STK24: variants seen among roughly 807,000 people sequenced by gnomAD.
The protein encoded by STK24 is serine/threonine-protein kinase 24.
In STK24, 21 loss-of-function variants were observed where a neutral mutation model predicts 55.6. The observed-to-expected ratio is 0.38, with a 90% CI of 0.27 to 0.54. The LOEUF is 0.54. STK24 is among the 20% of genes least tolerant of loss of function. The probability of loss-of-function intolerance (pLI) is 0.79; values close to 1 mark genes in which losing one functional copy is unlikely to be tolerated. For synonymous variants in STK24, 200 were observed against 215.2 expected, an observed-to-expected ratio of 0.93 and a Z score of 0.62; for missense variants, 383 against 538.4, an observed-to-expected ratio of 0.71 and a Z score of 2.86.
chr13:98,480,183 T>C (rs893526527), intron 3 of STK24, among the ~76,000 whole-genome samples: 3 of 152,248 alleles, frequency 2.0e-5, no homozygotes, highest in African/African-American at 7.2e-5. Context: ...TGGAGAGTTT[T>C]ACCCTTCCTT....
intron 2 of STK24, among the ~76,000 whole-genome samples, chr13:98,493,444 C>T (rs1278148764): frequency 1.3e-5 from 2 of 152,042 alleles, no homozygotes; most frequent in African/African-American, 4.8e-5. Flanking sequence ...AGAAAAGAAA[C>T]AACAAAGAGA....
chr13:98,484,771 CAACAACAG>C (rs2097944580), intron 2 of STK24, among the ~76,000 whole-genome samples: 1 of 151,960 alleles, frequency 6.6e-6, no homozygotes, highest in East Asian at 1.9e-4. Flanking sequence ...GACGTGCAAG[CAACAACAG>C]AACATCCAGA....
rs144887430 is a variant in STK24 at position 98,478,843 on chromosome 13, C to G, written c.330+3422G>C. 1.5e-3 allele frequency among the ~76,000 whole-genome samples: 226 copies of G among 152,300 alleles called. 1 individual carries two copies. The highest frequency in any genetic ancestry group is 5.1e-3 in the African/African-American group (214 of 41,556). ...TTTTAATCAGCTAAAACCTTCTGGT[C>G]TCAGGCCCTCTGTGGCTCATCCTCA... On this transcript the variant is annotated intron_variant, in intron 3 of 10. Coordinates refer to ENST00000539966, the MANE Select transcript of STK24 (RefSeq NM_001032296.4).
intron 2 of STK24, among the ~76,000 whole-genome samples, chr13:98,513,467 G>A (rs745628846): frequency 2.6e-5 from 4 of 152,100 alleles, no homozygotes; most frequent in East Asian, 1.9e-4. Flanking sequence ...AGTGGCAGCC[G>A]AAACATCTGC....
chr13:98,535,075 G>A (rs1896678445), intron 1 of STK24, among the ~76,000 whole-genome samples: 1 of 152,200 alleles, frequency 6.6e-6, no homozygotes, highest in Non-Finnish European at 1.5e-5. Flanking sequence ...CGGGCCAGGC[G>A]TGGTGGCTCA....
intron 2 of STK24, among the ~76,000 whole-genome samples, chr13:98,505,281 C>T (rs763996177): frequency 3.3e-5 from 5 of 152,216 alleles, no homozygotes; most frequent in Non-Finnish European, 7.3e-5. Flanking sequence ...AGCTGTAGAT[C>T]CACTGCTACT....
chr13:98,498,866 G>T (rs74109150), intron 2 of STK24, among the ~76,000 whole-genome samples: 2,425 of 152,252 alleles, frequency 0.016, 68 homozygotes, highest in African/African-American at 0.055. Context: ...ATCCCAGACC[G>T]CCACTGGGGA....
At position 98,448,134 on chromosome 13, in the gene STK24, A is replaced by G; in HGVS notation, c.*5039T>C. On this transcript the variant is annotated 3_prime_UTR_variant, in exon 11 of 11. Transcript: ENST00000539966. The stretch of plus-strand genomic sequence containing the variant: ...CTGCTGAAGTGGCAGATTACCAACC[A>G]GGCGGCCTGACTTCACCTTGTGTTT... The G allele has an allele frequency of 1.0e-6, 1 of 954,580 alleles. No individual in the cohort carries two copies. Among genetic ancestry groups the G allele is most frequent in the South Asian group, 1.3e-5 (1 of 74,218 alleles). 59.1% of individuals were successfully genotyped at this position (954,580 alleles called of 1,614,324 possible).
At position 98,457,116 on chromosome 13, in the gene STK24, G is replaced by A. The variant is rs981055691; in HGVS notation, c.1259+52C>T. ...TACCAAACTCATCAACTAAGTCCCA[G>A]CCCAAGTGCAGGTCTCTCCTTCCCC... On this transcript the variant is annotated intron_variant, in intron 10 of 10. Coordinates refer to ENST00000539966, the MANE Select transcript of STK24 (RefSeq NM_001032296.4). The A allele has an allele frequency of 2.5e-6, 4 of 1,587,004 alleles. No individual in the cohort carries two copies. The African/African-American group carries it at 4.0e-5, about 16-fold the overall frequency.
rs892677638 is a variant in STK24, at chr13:98,445,996, G to A, written c.*7177C>T. ...GGTGGGGCCCACATCCTTCAGTCAC[G>A]GACATGCCCCAGCCCAGGGCCCTGG... On this transcript the variant is annotated 3_prime_UTR_variant, in exon 11 of 11. Coordinates refer to ENST00000539966, the MANE Select transcript of STK24 (RefSeq NM_001032296.4). The A allele has an allele frequency of 4.7e-5, 36 of 758,976 alleles. No homozygotes were observed. Among genetic ancestry groups the A allele is most frequent in the Non-Finnish European group, 6.9e-5 (31 of 448,780 alleles). 47.0% of individuals were successfully genotyped at this position (758,976 alleles called of 1,614,324 possible).
At chr13:98,531,333 A>G (rs572280276) in intron 1 of STK24, among the ~76,000 whole-genome samples, 1 of 152,318 alleles carries the variant, frequency 6.6e-6, no homozygotes, top group African/African-American at 2.4e-5. Context: ...AAGTTTATAA[A>G]CCAAATGAAA....
intron 1 of STK24, among the ~76,000 whole-genome samples, chr13:98,555,575 T>C (rs1054019779): frequency 3.0e-4 from 45 of 150,998 alleles, no homozygotes; most frequent in African/African-American, 1.0e-3. Context: ...TGAGACTCCG[T>C]CTCAATAAAA....
Position 98,576,884 on chromosome 13 carries a change from C to G in STK24, c.-98G>C. ...CGGGCCGCGCGCAGCCCTCGGGCGG[C>G]GGGGCCGGCCGGAGCCCGAGGCCAC... On this transcript the variant is annotated 5_prime_UTR_variant, in exon 1 of 11. Coordinates refer to ENST00000539966, the MANE Select transcript of STK24 (RefSeq NM_001032296.4). 5 of 698,908 alleles carry G rather than the reference C, an allele frequency of 7.2e-6. No homozygotes were observed. The highest frequency in any genetic ancestry group is 7.0e-6 in the Non-Finnish European group (4 of 573,992). 43.3% of individuals were successfully genotyped at this position (698,908 alleles called of 1,614,324 possible).
In STK24 at chr13:98,449,801, T is replaced by TG. The variant is rs58342268; in HGVS notation, c.*3371dup. ...TTGTCTGTAGTCTTCATTTTCTGTG[T>TG]GGGGGGGGAGGGGGGAAGGGGACAC... is the stretch of plus-strand genomic sequence containing the variant. On this transcript the variant is annotated 3_prime_UTR_variant, in exon 11 of 11. Coordinates refer to ENST00000539966, the MANE Select transcript of STK24 (RefSeq NM_001032296.4). 46 of 117,546 alleles carry TG rather than the reference T, an allele frequency of 3.9e-4. No individual in the cohort carries two copies. Among genetic ancestry groups the TG allele is most frequent in the East Asian group, 2.6e-3 (9 of 3,520 alleles). The allele number at this position is 117,546 out of a possible 1,614,324, so 7.3% of individuals were successfully genotyped here.
chr13:98,526,347 AG>A (rs1896428864), intron 1 of STK24, among the ~76,000 whole-genome samples: 1 of 152,164 alleles, frequency 6.6e-6, no homozygotes, highest in Admixed American at 6.5e-5. Flanking sequence ...GGATTTATTG[AG>A]GGTGTACTTG....
chr13:98,555,227 G>C (rs1897256907), intron 1 of STK24, among the ~76,000 whole-genome samples: 1 of 152,004 alleles, frequency 6.6e-6, no homozygotes, highest in South Asian at 2.1e-4. Context: ...ATGTATAACT[G>C]GCACAATATG....
intron 2 of STK24, among the ~76,000 whole-genome samples, chr13:98,515,688 A>T (rs1896033203): frequency 6.6e-6 from 1 of 152,248 alleles, no homozygotes; most frequent in African/African-American, 2.4e-5. Flanking sequence ...GAATATTTAG[A>T]CCACTTCTCT....
rs145912547 is a variant in STK24, at chr13:98,576,929, G to A, written c.-143C>T. On this transcript the variant is annotated 5_prime_UTR_variant, in exon 1 of 11. Transcript: ENST00000539966. ...GGCCACCCCAGCCCTGGCGGGTCCC[G>A]GCCGGGCGGCGGGGGCTCAGCGGCG... 56,526 of 343,538 alleles carry A rather than the reference G, an allele frequency of 0.16. 4,904 individuals are homozygous for A. The highest frequency in any genetic ancestry group is 0.19 in the African/African-American group (8,266 of 44,222). 21.3% of individuals were successfully genotyped at this position (343,538 alleles called of 1,614,324 possible). A position where few individuals can be genotyped will look rare whatever the true frequency, so the allele number is the denominator to read the frequency against.
chr13:98,457,331 G>A (rs1196146643), intron 9 of STK24, 27 bp from the exon 10 acceptor site: 5 of 1,613,526 alleles, frequency 3.1e-6, no homozygotes, highest in Non-Finnish European at 4.2e-6. Context: ...AGGAAGAATG[G>A]CATGAAGCAC....
Sources: gnomAD v4.1 joint callset for allele counts (sites outside exome capture counted in the v4.1 genomes callset) on GRCh38, gnomAD v4.1.1 for gene constraint, MANE v1.5 for transcripts, NCBI Gene and HGNC (gene_info 2026-07-23, HGNC 2026-07-21) for gene names.